Variants in IGF2BP3 observed in about 807,000 individuals in gnomAD.
IGF2BP3 encodes the protein insulin like growth factor 2 mRNA binding protein 3.
IGF2BP3 carries 9 observed loss-of-function variants against 73.8 expected under a neutral mutation model. The ratio of observed to expected loss-of-function variants is 0.12; its 90% CI spans 0.07 to 0.21. The LOEUF (loss-of-function observed/expected upper bound fraction) is 0.21. Among genes scored for constraint, IGF2BP3 ranks in the 10% least tolerant of loss-of-function variants. IGF2BP3 has a pLI of 1.00. For synonymous variants in IGF2BP3, 258 were observed against 256.7 expected (o/e 1.01, Z -0.05); for missense variants, 542 against 714.0 (o/e 0.76, Z 2.75).
At chr7:23,462,504 G>A (rs1054548948) in intron 2 of IGF2BP3, among the ~76,000 whole-genome samples, 2 of 152,022 alleles carry the variant, frequency 1.3e-5, no homozygotes, top group Admixed American at 1.3e-4. Flanking sequence ...TGGGACTAAA[G>A]GCGACCGCCA....
intron 2 of IGF2BP3, among the ~76,000 whole-genome samples, chr7:23,445,010 A>G (rs143666735): frequency 6.6e-6 from 1 of 152,314 alleles, no homozygotes; most frequent in East Asian, 1.9e-4. Flanking sequence ...CTGAGCTATG[A>G]TTATACCACT....
At chr7:23,369,870 A>G (rs1235098460) in intron 3 of IGF2BP3, among the ~76,000 whole-genome samples, 1 of 152,124 alleles carries the variant, frequency 6.6e-6, no homozygotes, top group African/African-American at 2.4e-5. Flanking sequence ...TGTTCTGCAG[A>G]TAAGCCTTCT....
intron 3 of IGF2BP3, among the ~76,000 whole-genome samples, chr7:23,384,350 G>A (rs1583970424): frequency 1.3e-5 from 2 of 151,998 alleles, no homozygotes; most frequent in Admixed American, 1.3e-4. Flanking sequence ...AGAATTTGAG[G>A]TGACAAAAAT....
At chr7:23,328,002 GT>G (rs1463621411) in intron 10 of IGF2BP3, among the ~76,000 whole-genome samples, 1 of 152,130 alleles carries the variant, frequency 6.6e-6, no homozygotes, top group Non-Finnish European at 1.5e-5. Flanking sequence ...TACTCACCCT[GT>G]TTGGTAGGAA....
intron 2 of IGF2BP3, among the ~76,000 whole-genome samples, chr7:23,434,985 G>T (rs2128543092): frequency 6.6e-6 from 1 of 151,954 alleles, no homozygotes; most frequent in African/African-American, 2.4e-5. Context: ...TGACATATTT[G>T]CCAATTAAAC....
chr7:23,317,925 G>T (rs926438590), intron 11 of IGF2BP3: 1 of 566,430 alleles, frequency 1.8e-6, no homozygotes, highest in Non-Finnish European at 3.2e-6. Flanking sequence ...GGGCCCTAAT[G>T]GAGACCTCCA....
At chr7:23,351,195 G>A (rs781734527) in intron 6 of IGF2BP3, 110 bp downstream of exon 6, 37 of 1,136,788 alleles carry the variant, frequency 3.3e-5, no homozygotes, top group Admixed American at 4.2e-5. Context: ...ACTGTACAAG[G>A]AGTCCTCATG....
At chr7:23,337,456 T>G (rs962301833) in intron 10 of IGF2BP3, among the ~76,000 whole-genome samples, 5 of 152,216 alleles carry the variant, frequency 3.3e-5, no homozygotes, top group African/African-American at 1.2e-4. Flanking sequence ...GGAGGCTCCT[T>G]TAACAGGCAA....
chr7:23,378,537 C>T (rs1283538642), intron 3 of IGF2BP3, among the ~76,000 whole-genome samples: 4 of 138,260 alleles, frequency 2.9e-5, no homozygotes, highest in Non-Finnish European at 4.6e-5. Context: ...GGATTATGGG[C>T]GTGCACCACC....
At chr7:23,443,550 C>G (rs1787986520) in intron 2 of IGF2BP3, among the ~76,000 whole-genome samples, 1 of 152,020 alleles carries the variant, frequency 6.6e-6, no homozygotes, top group African/African-American at 2.4e-5. Flanking sequence ...CCTGTAATCC[C>G]AGCTACTTGG....
chr7:23,361,649 C>T lies in IGF2BP3; in HGVS notation c.337+41G>A, dbSNP rs1446676961. ...TAAAAGTTAGTTTTCTTTCTACTTC[C>T]TTCCTTTTACAAATTTGAAAGCAAT... On this transcript the variant is annotated intron_variant, in intron 4 of 14. Transcript: ENST00000258729. The T allele has an allele frequency of 6.2e-6, 10 of 1,613,304 alleles. No homozygotes were observed. The East Asian group carries it at 2.2e-4, about 36-fold the overall frequency.
At chr7:23,377,974 T>G (rs1785779902) in intron 3 of IGF2BP3, among the ~76,000 whole-genome samples, 1 of 152,196 alleles carries the variant, frequency 6.6e-6, no homozygotes, top group African/African-American at 2.4e-5. Context: ...GGCAAGTGAC[T>G]GTTAATGGCT....
intron 2 of IGF2BP3, among the ~76,000 whole-genome samples, chr7:23,458,873 C>T (rs1788380820): frequency 6.6e-6 from 1 of 152,196 alleles, no homozygotes; most frequent in Non-Finnish European, 1.5e-5. Flanking sequence ...TCTGCTCTGA[C>T]TTGCCACTGC....
At chr7:23,374,281 T>G (rs571862321) in intron 3 of IGF2BP3, among the ~76,000 whole-genome samples, 1 of 152,262 alleles carries the variant, frequency 6.6e-6, no homozygotes, top group East Asian at 1.9e-4. Context: ...ATATAAACAG[T>G]CATCCCTCGG....
intron 3 of IGF2BP3, among the ~76,000 whole-genome samples, chr7:23,395,434 G>T (rs377383): frequency 0.28 from 42,776 of 151,972 alleles, 6,681 homozygotes; most frequent in East Asian, 0.72. Flanking sequence ...GAAAACATTT[G>T]TAAGAACTTC....
intron 3 of IGF2BP3, among the ~76,000 whole-genome samples, chr7:23,369,613 T>C (rs1267352150): frequency 6.6e-6 from 1 of 152,054 alleles, no homozygotes; most frequent in Non-Finnish European, 1.5e-5. Flanking sequence ...TTGATTCACT[T>C]TGACATTATG....
chr7:23,421,574 C>T (rs536087966), intron 2 of IGF2BP3, among the ~76,000 whole-genome samples: 1 of 150,938 alleles, frequency 6.6e-6, no homozygotes, highest in East Asian at 2.0e-4. Flanking sequence ...TGCCTGTAAT[C>T]CCGGCTACTC....
At chr7:23,455,923 G>A (rs530359105) in intron 2 of IGF2BP3, among the ~76,000 whole-genome samples, 1 of 152,136 alleles carries the variant, frequency 6.6e-6, no homozygotes, top group African/African-American at 2.4e-5. Flanking sequence ...CTGATCTCGT[G>A]ATCCACCCGC....
chr7:23,334,387 G>A (rs1018464156), intron 10 of IGF2BP3, among the ~76,000 whole-genome samples: 9 of 152,188 alleles, frequency 5.9e-5, no homozygotes, highest in Non-Finnish European at 1.3e-4. Context: ...GAACAAGCCT[G>A]TGTCAGGATT....
Sources: allele counts gnomAD v4.1 joint callset (sites outside exome capture counted in the v4.1 genomes callset), GRCh38; gene constraint gnomAD v4.1.1; transcripts MANE v1.5; gene names NCBI Gene and HGNC (gene_info 2026-07-23, HGNC 2026-07-21).